MARCO: variants seen among roughly 807,000 people sequenced by gnomAD.
MARCO encodes macrophage receptor with collagenous structure.
Under a neutral mutation model 70.0 loss-of-function variants are expected in MARCO, and 72 were observed. The ratio of observed to expected loss-of-function variants is 1.03; its 90% CI spans 0.85 to 1.25. MARCO has a LOEUF of 1.25. Ranked by LOEUF, MARCO falls within the 50% of genes most tolerant of loss-of-function variation. The probability of loss-of-function intolerance (pLI) is 0.00; values close to 1 mark genes in which losing one functional copy is unlikely to be tolerated. For missense variants in MARCO, 696 were observed against 659.3 expected, an observed-to-expected ratio of 1.06 and a Z score of -0.61; for synonymous variants, 273 against 243.1, an observed-to-expected ratio of 1.12 and a Z score of -1.14.
intron 1 of MARCO, among the ~76,000 whole-genome samples, chr2:118,956,776 GA>G (rs1244596620): frequency 6.6e-6 from 1 of 152,030 alleles, no homozygotes; most frequent in Non-Finnish European, 1.5e-5. Context: ...TAAGAAAATT[GA>G]AATTATATCA....
chr2:118,982,933 G>C (rs895245230), intron 12 of MARCO, among the ~76,000 whole-genome samples: 7 of 152,192 alleles, frequency 4.6e-5, no homozygotes, highest in Non-Finnish European at 1.0e-4. Flanking sequence ...TTTAGTCTAG[G>C]TCGTAAACCA....
intron 1 of MARCO, chr2:118,944,965 G>T (rs80022159): frequency 1.3e-5 from 2 of 151,972 alleles, no homozygotes; most frequent in Non-Finnish European, 2.9e-5. Flanking sequence ...TAGCTTTTTA[G>T]GAGTGTGATT....
chr2:118,945,569 T>C (rs1679581558), intron 1 of MARCO, among the ~76,000 whole-genome samples: 3 of 151,930 alleles, frequency 2.0e-5, no homozygotes, highest in African/African-American at 4.8e-5. Context: ...CCCACCACCA[T>C]GCCCGGCTAA....
At position 118,977,956 on chromosome 2, in the gene MARCO, G is replaced by T; in HGVS notation, c.766+21G>T. 1.9e-6 allele frequency: 3 copies of T among 1,539,132 alleles called. No homozygotes were observed. The South Asian group carries it at 3.5e-5, about 18-fold the overall frequency. ...CCCAGGTGAGGGCCGTATTGGGGGTGTCGGTGCTTGCCAGGAGGCCTGAGG... is the reference window on the plus strand; with the variant it reads ...CCCAGGTGAGGGCCGTATTGGGGGTTTCGGTGCTTGCCAGGAGGCCTGAGG... On this transcript the variant is annotated intron_variant, in intron 8 of 16. Coordinates refer to ENST00000327097, the MANE Select transcript of MARCO (RefSeq NM_006770.4).
intron 1 of MARCO, among the ~76,000 whole-genome samples, chr2:118,965,891 T>C (rs190687134): frequency 4.6e-5 from 7 of 152,324 alleles, no homozygotes; most frequent in Non-Finnish European, 7.3e-5. Context: ...TGCCTGGTGC[T>C]ATCAGGTAGG....
At chr2:118,979,324 C>A (rs962950106) in intron 8 of MARCO, among the ~76,000 whole-genome samples, 25 of 152,066 alleles carry the variant, frequency 1.6e-4, no homozygotes, top group African/African-American at 6.0e-4. Context: ...TGGGGCTGAC[C>A]CATGATGAAG....
At chr2:118,963,674 T>G (rs990921225) in intron 1 of MARCO, among the ~76,000 whole-genome samples, 2 of 152,204 alleles carry the variant, frequency 1.3e-5, no homozygotes, top group Non-Finnish European at 2.9e-5. Flanking sequence ...TGAAACTACG[T>G]GTTAAAGTCT....
intron 6 of MARCO, 59 bp downstream of exon 6, chr2:118,974,624 T>G: frequency 6.5e-7 from 1 of 1,532,414 alleles, no homozygotes; most frequent in Non-Finnish European, 8.9e-7. Context: ...GAGTGACTGC[T>G]GTGGGCTGCA....
intron 12 of MARCO, among the ~76,000 whole-genome samples, chr2:118,984,416 C>T (rs1029655727): frequency 1.2e-4 from 19 of 152,212 alleles, no homozygotes; most frequent in African/African-American, 4.6e-4. Flanking sequence ...ATGGAGTTCT[C>T]CAATAATTAG....
intron 13 of MARCO, 106 bp downstream of exon 13, chr2:118,990,739 C>T: frequency 2.6e-6 from 3 of 1,135,090 alleles, no homozygotes; most frequent in Non-Finnish European, 4.0e-6. Flanking sequence ...TGACCTTCTC[C>T]CAAAGTGGAG....
At chr2:118,953,750 G>T (rs534569044) in intron 1 of MARCO, among the ~76,000 whole-genome samples, 1 of 152,196 alleles carries the variant, frequency 6.6e-6, no homozygotes, top group Admixed American at 6.5e-5. Flanking sequence ...TGCCCCAGCC[G>T]TGTAAGTGGA....
In MARCO at chr2:118,970,250, G is replaced by T. The variant is rs770137482; in HGVS notation, c.336G>T (p.Arg112Ser). 6.2e-7 allele frequency: 1 copy of T among 1,614,050 alleles called. No homozygotes were observed. Among genetic ancestry groups the T allele is most frequent in the East Asian group, 2.2e-5 (1 of 44,856 alleles). Residue 112 changes from arginine (R) to serine (S), a missense_variant, in exon 3 of 17, where the codon AGG (arginine) becomes AGT (serine). By Grantham distance (110) the Arg-to-Ser change is moderately radical. Coordinates refer to ENST00000327097, the MANE Select transcript of MARCO (RefSeq NM_006770.4). ...AACACCTGGCTCAGGGTGCATCGAG[G>T]CTGCAAGTCCTGCAGGCCCAACTCA... ...PGEHLAQGAS[R>S]LQVLQAQLTW...
At chr2:118,969,995 C>T in intron 2 of MARCO, 119 bp from the exon 3 acceptor site, 5 of 862,866 alleles carry the variant, frequency 5.8e-6, no homozygotes, top group Non-Finnish European at 9.5e-6. Flanking sequence ...CCTGACAGCA[C>T]ATGGAATTTG....
intron 7 of MARCO, 109 bp from the exon 8 acceptor site, chr2:118,977,719 C>A: frequency 1.1e-6 from 1 of 900,736 alleles, no homozygotes; most frequent in Non-Finnish European, 1.7e-6. Context: ...CAGAGGAAAT[C>A]TGGGGATCCC....
rs1680516695 is a variant in MARCO, at chr2:118,986,701, GAAAGAAAGAAAGAA to G, written c.1064-3886_1064-3873del. Among the ~76,000 whole-genome samples, 3 of 89,268 alleles carry G rather than the reference GAAAGAAAGAAAGAA, an allele frequency of 3.4e-5. 1 individual carries two copies. Among genetic ancestry groups the G allele is most frequent in the African/African-American group, 1.0e-4 (2 of 19,054 alleles). The allele number at this position is 89,268 out of a possible 152,430, so 58.6% of individuals were successfully genotyped here. On this transcript the variant is annotated intron_variant, in intron 12 of 16. Coordinates refer to ENST00000327097, the MANE Select transcript of MARCO (RefSeq NM_006770.4). The stretch of plus-strand genomic sequence containing the variant: ...AGAAAGAAAGAAAGAAAGAAAGAAA[GAAAGAAAGAAAGAA>G]AGAAAGAAAAGAAAGAAAGAAAGAG...
chr2:118,986,170 G>A (rs1573406286), intron 12 of MARCO, among the ~76,000 whole-genome samples: 2 of 152,114 alleles, frequency 1.3e-5, no homozygotes, highest in African/African-American at 4.8e-5. Flanking sequence ...GAGCTTTGCA[G>A]AAGTCTACAC....
In MARCO at chr2:118,993,172, G is replaced by A. The variant is rs1680656689; in HGVS notation, c.1301G>A (p.Arg434Gln). 3.1e-6 allele frequency: 5 copies of A among 1,614,198 alleles called. No homozygotes were observed. The highest frequency in any genetic ancestry group is 1.3e-5 in the African/African-American group (1 of 75,042). Reference protein sequence around the residue: ...VRIVGSSNRGRAEVYYSGTWG... With the variant: ...VRIVGSSNRGQAEVYYSGTWG... ...ATTGTCGGCAGTAGTAACCGAGGCCGGGCTGAAGTTTACTACAGTGGTACC... is the reference window on the plus strand; with the variant it reads ...ATTGTCGGCAGTAGTAACCGAGGCCAGGCTGAAGTTTACTACAGTGGTACC... Residue 434 changes from arginine to glutamine, a missense_variant, in exon 16 of 17, where the codon CGG (arginine) becomes CAG (glutamine). Coordinates refer to ENST00000327097, the MANE Select transcript of MARCO (RefSeq NM_006770.4).
chr2:118,963,115 T>C (rs1218402657), intron 1 of MARCO, among the ~76,000 whole-genome samples: 1 of 151,578 alleles, frequency 6.6e-6, no homozygotes, highest in Admixed American at 6.6e-5. Flanking sequence ...TATTCTTATC[T>C]TTATTATTTC....
intron 1 of MARCO, among the ~76,000 whole-genome samples, chr2:118,957,395 T>C (rs533643661): frequency 6.6e-6 from 1 of 152,096 alleles, no homozygotes; most frequent in East Asian, 1.9e-4. Flanking sequence ...CTAGAAGAGA[T>C]GGATAAATTC....
Sources: allele counts gnomAD v4.1 joint callset (sites outside exome capture counted in the v4.1 genomes callset), GRCh38; gene constraint gnomAD v4.1.1; transcripts MANE v1.5; gene names NCBI Gene and HGNC (gene_info 2026-07-23, HGNC 2026-07-21).